DNHD1: variants seen among roughly 807,000 people sequenced by gnomAD.
The protein encoded by DNHD1 is dynein heavy chain domain 1.
A neutral mutation model predicts 458.1 loss-of-function variants in DNHD1; 383 were observed. The ratio of observed to expected loss-of-function variants is 0.84; its 90% CI spans 0.77 to 0.91. The LOEUF (loss-of-function observed/expected upper bound fraction) is 0.91, where lower values mean the gene tolerates loss of function less well. Ranked by LOEUF, DNHD1 falls within the 40% of genes least tolerant of loss-of-function variation. The pLI, the probability that DNHD1 is intolerant of heterozygous loss-of-function variation, is 0.00. For synonymous variants in DNHD1, 2,203 were observed against 2,376.9 expected (o/e 0.93, Z 2.13); for missense variants, 5,336 against 5,866.1 (o/e 0.91, Z 2.95).
chr11:6,507,181 A>G (rs1477830654), intron 4 of DNHD1, among the ~76,000 whole-genome samples: 2 of 152,202 alleles, frequency 1.3e-5, no homozygotes. Flanking sequence ...TCTGACCACA[A>G]TACTTGAACA....
intron 28 of DNHD1, among the ~76,000 whole-genome samples, chr11:6,561,622 A>C (rs1853590983): frequency 6.6e-6 from 1 of 152,196 alleles, no homozygotes; most frequent in Non-Finnish European, 1.5e-5. Flanking sequence ...TTTCTAGAGA[A>C]AGCAGAGTGC....
chr11:6,539,954 C>G lies in DNHD1; in HGVS notation c.3499C>G (p.Leu1167Val). The stretch of plus-strand genomic sequence containing the variant: ...GCAGCGGTACTGGGAAGCGCGCCAG[C>G]TGCGCCTGCTCAACTTCATCCTGCA... ...RLQRYWEARQ[L>V]RLLNFILHVP... Residue 1167 changes from leucine to valine, a missense_variant, in exon 18 of 43, where the codon CTG (leucine) becomes GTG (valine). Around this residue, in one of 4 missense-constraint regions of DNHD1, gnomAD observed 3,932 missense variants for 4,365.6 expected, o/e 0.90. Coordinates refer to ENST00000254579, the MANE Select transcript of DNHD1 (RefSeq NM_144666.3). The G allele has an allele frequency of 6.4e-7, 1 of 1,551,762 alleles. No homozygotes were observed. Among genetic ancestry groups the G allele is most frequent in the South Asian group, 1.2e-5 (1 of 84,068 alleles).
chr11:6,569,964 A>G (rs1853801509), intron 39 of DNHD1, 45 bp from the exon 40 acceptor site: 2 of 1,548,262 alleles, frequency 1.3e-6, no homozygotes, highest in East Asian at 4.5e-5. Flanking sequence ...AGTCCTCAGC[A>G]TATAGATGAT....
rs1853166488 is a variant in DNHD1 at position 6,544,610 on chromosome 11, A to G, written c.3791A>G (p.Lys1264Arg). Residue 1264 changes from lysine to arginine, a missense_variant, in exon 20 of 43, where the codon AAG (lysine) becomes AGG (arginine). Coordinates refer to ENST00000254579, the MANE Select transcript of DNHD1 (RefSeq NM_144666.3). ...LLEVWLTFQQ[K>R]WIFLNKVLHE... Reference sequence around the variant, plus strand: ...GAGGTGTGGCTGACTTTCCAGCAGAAGTGGATTTTTCTGAATAAAGTTCTG... The same window carrying G: ...GAGGTGTGGCTGACTTTCCAGCAGAGGTGGATTTTTCTGAATAAAGTTCTG... The G allele has an allele frequency of 1.9e-6, 3 of 1,551,406 alleles. No individual in the cohort carries two copies. Among genetic ancestry groups the G allele is most frequent in the Non-Finnish European group, 2.6e-6 (3 of 1,146,952 alleles).
In DNHD1 at chr11:6,556,725, A is replaced by G; in HGVS notation, c.7430A>G (p.Gln2477Arg). The G allele has an allele frequency of 6.4e-7, 1 of 1,550,918 alleles. No individual in the cohort carries two copies. The highest frequency in any genetic ancestry group is 2.4e-5 in the East Asian group (1 of 40,876). Residue 2477 changes from glutamine to arginine, a missense_variant, in exon 25 of 43, where the codon CAG becomes CGG. Coordinates refer to ENST00000254579, the MANE Select transcript of DNHD1 (RefSeq NM_144666.3). ...CAGCCAGTGTTGGAGACTCTGCGCC[A>G]GGCCATGGATGGCACTGTGTATGCC... is the stretch of plus-strand genomic sequence containing the variant. The part of the protein sequence containing the change: ...SCQPVLETLR[Q>R]AMDGTVYAHS...
rs1480464513 is a variant in DNHD1, at chr11:6,505,864, C to T, written c.920+2938C>T. On this transcript the variant is annotated intron_variant, in intron 4 of 42. Transcript: ENST00000254579. The surrounding 1 kb of genome is among the most constrained non-coding windows in gnomAD (Gnocchi z 4.4). Reference sequence around the variant, plus strand: ...CCTAGTGGCTGCTACACTTGACTGTCATGGCTGTAATGATAGTAATGGTAA... The same window carrying T: ...CCTAGTGGCTGCTACACTTGACTGTTATGGCTGTAATGATAGTAATGGTAA... 6.6e-6 allele frequency among the ~76,000 whole-genome samples: 1 copy of T among 152,214 alleles called. No homozygotes were observed. Among genetic ancestry groups the T allele is most frequent in the African/African-American group, 2.4e-5 (1 of 41,446 alleles).
rs1264235863 is a variant in DNHD1 at position 6,571,768 on chromosome 11, C to T, written c.14044C>T (p.Pro4682Ser). ...DSPSSQPSPL[P>S]PVSISTQAPG... The stretch of plus-strand genomic sequence containing the variant: ...TCCTTCCAGCCAACCCAGCCCTCTG[C>T]CTCCCGTCAGCATCAGCACACAGGC... The change falls in exon 43 of 43, where the codon CCT becomes TCT. Residue 4682 changes from proline (P) to serine (S), a missense_variant. By Grantham distance (74) the Pro-to-Ser change is moderately conservative. Around this residue, in one of 4 missense-constraint regions of DNHD1, gnomAD observed 698 missense variants for 664.9 expected, o/e 1.05. Coordinates refer to ENST00000254579, the MANE Select transcript of DNHD1 (RefSeq NM_144666.3). This position sits in a 1 kb window ranked among gnomAD's most constrained non-coding sequence, Gnocchi z 5.0. The T allele has an allele frequency of 6.2e-7, 1 of 1,613,730 alleles. No homozygotes were observed.
chr11:6,532,707 G>A (rs1852852537), intron 12 of DNHD1, among the ~76,000 whole-genome samples: 1 of 152,086 alleles, frequency 6.6e-6, no homozygotes, highest in Admixed American at 6.5e-5. Context: ...TATACTGGCT[G>A]AAGGCTCCAG....
In DNHD1 at chr11:6,558,227, A is replaced by G. The variant is rs1476880311; in HGVS notation, c.8932A>G (p.Ile2978Val). The G allele has an allele frequency of 3.9e-6, 6 of 1,551,612 alleles. No individual in the cohort carries two copies. The Admixed American group carries it at 7.8e-5, about 20-fold the overall frequency. ...GTACACAGAAGCAGATTTGGACCGCATTGGAGAACACCTCCCCAGGGAGAA... is the reference window on the plus strand; with the variant it reads ...GTACACAGAAGCAGATTTGGACCGCGTTGGAGAACACCTCCCCAGGGAGAA... The part of the protein sequence containing the change: ...GQYTEADLDR[I>V]GEHLPRENLG... The change falls in exon 25 of 43, where the codon ATT (isoleucine) becomes GTT (valine). Residue 2978 changes from isoleucine to valine, a missense_variant. This residue lies in a region of DNHD1 where 3,932 missense variants were observed against 4,365.6 expected (regional missense o/e 0.90). Transcript: ENST00000254579.
intron 7 of DNHD1, among the ~76,000 whole-genome samples, chr11:6,516,887 TA>T (rs1415976628): frequency 6.6e-6 from 1 of 152,236 alleles, no homozygotes; most frequent in Non-Finnish European, 1.5e-5. Flanking sequence ...ATTACTCTTA[TA>T]TTGGTATCTC....
chr11:6,526,880 C>G (rs1327462943), intron 10 of DNHD1, among the ~76,000 whole-genome samples: 1 of 152,210 alleles, frequency 6.6e-6, no homozygotes, highest in Non-Finnish European at 1.5e-5. Context: ...GGGCCCTCTG[C>G]CTCCCAGTAA....
In DNHD1 at chr11:6,557,799, A is replaced by C. The variant is rs1235326741; in HGVS notation, c.8504A>C (p.Asn2835Thr). ...LILGPNSETPNLYLERQWEKL... is the reference protein window; with the variant it reads ...LILGPNSETPTLYLERQWEKL... ...CTGGGGCCTAACTCTGAGACCCCCA[A>C]CTTGTACCTGGAACGACAGTGGGAG... Residue 2835 changes from asparagine (N) to threonine (T), a missense_variant, in exon 25 of 43, where the codon AAC becomes ACC. Around this residue, in one of 4 missense-constraint regions of DNHD1, gnomAD observed 3,932 missense variants for 4,365.6 expected, o/e 0.90. Transcript: ENST00000254579. The C allele has an allele frequency of 2.6e-6, 4 of 1,551,304 alleles. No individual in the cohort carries two copies. In the African/African-American group the frequency reaches 5.5e-5, roughly 21 times the overall value.
At position 6,538,385 on chromosome 11, in the gene DNHD1, G is replaced by T; in HGVS notation, c.3001G>T (p.Asp1001Tyr). Reference sequence around the variant, plus strand: ...CTCAAGTCAGCCCTCCCCCACAGAGGATGAGACTCCTGTGCCCTTGCCAAT... The same window carrying T: ...CTCAAGTCAGCCCTCCCCCACAGAGTATGAGACTCCTGTGCCCTTGCCAAT... Reference protein sequence around the residue: ...LHHAYAIFTEDETPVPLPICG... With the variant: ...LHHAYAIFTEYETPVPLPICG... The change falls in exon 15 of 43, where the codon GAT (aspartate) becomes TAT (tyrosine). Residue 1001 changes from aspartate (D) to tyrosine (Y), a missense_variant and splice_region_variant. Physicochemically the swap from Asp to Tyr is radical, Grantham distance 160. This residue lies in a region of DNHD1 where 3,932 missense variants were observed against 4,365.6 expected (regional missense o/e 0.90). Coordinates refer to ENST00000254579, the MANE Select transcript of DNHD1 (RefSeq NM_144666.3). 4 of 1,551,698 alleles carry T rather than the reference G, an allele frequency of 2.6e-6. No individual in the cohort carries two copies. The highest frequency in any genetic ancestry group is 3.5e-6 in the Non-Finnish European group (4 of 1,146,992).
intron 24 of DNHD1, among the ~76,000 whole-genome samples, chr11:6,553,973 G>GT (rs1853412569): frequency 6.6e-6 from 1 of 151,688 alleles, no homozygotes; most frequent in Non-Finnish European, 1.5e-5. Flanking sequence ...TTTTTTTTTG[G>GT]TAAGTTGACA....
At chr11:6,518,466 G>A (rs375380630) in intron 7 of DNHD1, among the ~76,000 whole-genome samples, 58 of 152,120 alleles carry the variant, frequency 3.8e-4, no homozygotes, top group African/African-American at 1.3e-3. Context: ...TATTGTTGTC[G>A]TTGGTATGGT....
intron 14 of DNHD1, 95 bp from the exon 15 acceptor site, chr11:6,538,288 T>G: frequency 9.0e-7 from 1 of 1,106,634 alleles, no homozygotes; most frequent in Non-Finnish European, 1.3e-6. Context: ...TTCTGGACCC[T>G]ACCTTCTGTC....
intron 7 of DNHD1, among the ~76,000 whole-genome samples, chr11:6,513,850 T>C (rs1852396930): frequency 7.0e-6 from 1 of 143,772 alleles, no homozygotes; most frequent in Non-Finnish European, 1.5e-5. Context: ...CCTTTCATTC[T>C]TTTTTTTTTT....
In DNHD1 at chr11:6,571,526, C is replaced by G. The variant is rs1341781650; in HGVS notation, c.13911+103C>G. 52 of 1,457,198 alleles carry G rather than the reference C, an allele frequency of 3.6e-5. No individual in the cohort carries two copies. The highest frequency in any genetic ancestry group is 4.7e-5 in the Non-Finnish European group (51 of 1,093,838). 90.3% of individuals were successfully genotyped at this position (1,457,198 alleles called of 1,614,324 possible). A position where few individuals can be genotyped will look rare whatever the true frequency, so the allele number is the denominator to read the frequency against. On this transcript the variant is annotated intron_variant, in intron 42 of 42. Transcript: ENST00000254579. The surrounding 1 kb of genome is among the most constrained non-coding windows in gnomAD (Gnocchi z 5.0). ...GGTGATCTTGCCCCCGGTAACCCTG[C>G]TAGCTTCTCCGATCTCGCTTCACCA... is the stretch of plus-strand genomic sequence containing the variant.
chr11:6,554,794 T>C (rs1049286742), intron 24 of DNHD1, among the ~76,000 whole-genome samples: 1 of 152,192 alleles, frequency 6.6e-6, no homozygotes, highest in African/African-American at 2.4e-5. Context: ...CTCTCTCACT[T>C]TGATGGTGAG....
Sources: gnomAD v4.1 joint callset for allele counts (sites outside exome capture counted in the v4.1 genomes callset) on GRCh38, gnomAD v4.1.1 for gene constraint, gnomAD v4.1.1 regional missense constraint, Gnocchi (gnomAD v3.1) non-coding constraint, MANE v1.5 for transcripts, NCBI Gene and HGNC (gene_info 2026-07-23, HGNC 2026-07-21) for gene names.